DENND1B: variants seen among roughly 807,000 people sequenced by gnomAD.
The protein encoded by DENND1B is DENN domain-containing protein 1B.
In DENND1B, 59 loss-of-function variants were observed where a neutral mutation model predicts 90.1. The ratio of observed to expected loss-of-function variants is 0.65; its 90% CI spans 0.53 to 0.81. The LOEUF (loss-of-function observed/expected upper bound fraction) is 0.81. Among genes scored for constraint, DENND1B ranks in the 40% least tolerant of loss-of-function variants. DENND1B has a pLI of 0.00. For missense variants in DENND1B, 862 were observed against 912.6 expected (o/e 0.94, Z 0.71); for synonymous variants, 337 against 324.6 (o/e 1.04, Z -0.41).
rs1680386855 is a variant in DENND1B, at chr1:197,642,841, T to C, written c.562-20A>G. The C allele has an allele frequency of 4.5e-6, 7 of 1,570,560 alleles. No individual in the cohort carries two copies. The highest frequency in any genetic ancestry group is 1.7e-4 in the Middle Eastern group (1 of 5,988). On this transcript the variant is annotated intron_variant, in intron 9 of 22. Coordinates refer to ENST00000620048, the MANE Select transcript of DENND1B (RefSeq NM_001195215.2). ...ATTTCTCTGTACAAGTAAAAGATAA[T>C]TGTGTAAGTTACAGCTCATAGTGAA... is the stretch of plus-strand genomic sequence containing the variant.
intron 21 of DENND1B, 127 bp from the exon 22 acceptor site, chr1:197,512,071 A>C: frequency 1.5e-6 from 1 of 677,532 alleles, no homozygotes; most frequent in Non-Finnish European, 2.4e-6. Context: ...TTCATCACCA[A>C]ATTCTTTACC....
chr1:197,560,840 C>A (rs1672100453), intron 15 of DENND1B, among the ~76,000 whole-genome samples: 2 of 151,788 alleles, frequency 1.3e-5, no homozygotes, highest in African/African-American at 4.8e-5. Context: ...GTTTAACGAC[C>A]TCTCCCATTC....
intron 1 of DENND1B, chr1:197,774,374 G>C (rs757436557): frequency 6.6e-6 from 1 of 152,164 alleles, no homozygotes; most frequent in African/African-American, 2.4e-5. Context: ...GGGTGGGTAA[G>C]CGAAGTAAAA....
At chr1:197,748,537 A>G (rs868568623) in intron 2 of DENND1B, among the ~76,000 whole-genome samples, 7 of 152,308 alleles carry the variant, frequency 4.6e-5, no homozygotes, top group Non-Finnish European at 4.4e-5. Context: ...TACAATCACA[A>G]AGATCCTTAG....
chr1:197,671,706 G>A (rs1316225119), intron 5 of DENND1B, among the ~76,000 whole-genome samples: 2 of 151,930 alleles, frequency 1.3e-5, no homozygotes, highest in Admixed American at 1.3e-4. Context: ...TTCAGTGACA[G>A]AAAAGGGCAT....
At position 197,511,774 on chromosome 1, in the gene DENND1B, C is replaced by T. The variant is rs1021225438; in HGVS notation, c.1769G>A (p.Ser590Asn). Reference protein sequence around the residue: ...SDQGKLAAAKSLDFFRSMDDI... With the variant: ...SDQGKLAAAKNLDFFRSMDDI... ...ATCCATTGATCTAAAGAAATCCAAG[C>T]TCTTTGCAGCTGCCAGCTTCCCCTG... Residue 590 changes from serine (S) to asparagine (N), a missense_variant, in exon 22 of 23, where the codon AGC becomes AAC. Physicochemically the swap from Ser to Asn is conservative, Grantham distance 46. Transcript: ENST00000620048. 6.2e-7 allele frequency: 1 copy of T among 1,610,650 alleles called. No homozygotes were observed.
At chr1:197,568,779 G>A (rs758087154) in intron 15 of DENND1B, among the ~76,000 whole-genome samples, 2 of 151,990 alleles carry the variant, frequency 1.3e-5, no homozygotes, top group Non-Finnish European at 2.9e-5. Context: ...GAATAAAATA[G>A]GGCACTTATC....
intron 6 of DENND1B, 146 bp from the exon 7 acceptor site, chr1:197,652,461 T>A: frequency 1.7e-6 from 1 of 596,848 alleles, no homozygotes; most frequent in Non-Finnish European, 2.8e-6. Context: ...TTCAAATACC[T>A]GAAATTCAAA....
intron 2 of DENND1B, chr1:197,735,616 C>A: frequency 1.2e-6 from 2 of 1,614,166 alleles, no homozygotes; most frequent in Non-Finnish European, 8.5e-7. Context: ...CATCTTTTCT[C>A]CTCCCGTGGA....
rs1178416154 is a variant in DENND1B, at chr1:197,512,927, G to A, written c.1542C>T (p.Ser514=). Residue 514 remains serine, a synonymous_variant, in exon 21 of 23, where the codon AGC becomes AGT. Coordinates refer to ENST00000620048, the MANE Select transcript of DENND1B (RefSeq NM_001195215.2). The part of the protein sequence containing the change: ...AQARLKRPLK[S]LDGALYDDED... ...CATCATCATATAGAGCACCATCAAG[G>A]CTCTTAAGAGGCCTTTTTAAGCGTG... 4 of 1,609,896 alleles carry A rather than the reference G, an allele frequency of 2.5e-6. No individual in the cohort carries two copies. Among genetic ancestry groups the A allele is most frequent in the Non-Finnish European group, 2.5e-6 (3 of 1,177,700 alleles).
intron 3 of DENND1B, among the ~76,000 whole-genome samples, chr1:197,702,219 T>C (rs1261476344): frequency 1.3e-5 from 2 of 152,162 alleles, no homozygotes; most frequent in Non-Finnish European, 2.9e-5. Context: ...TATTAGAGGA[T>C]TCAAATTCAC....
chr1:197,633,484 C>G (rs1305971642), intron 10 of DENND1B, among the ~76,000 whole-genome samples: 1 of 152,148 alleles, frequency 6.6e-6, no homozygotes, highest in African/African-American at 2.4e-5. Flanking sequence ...AGAGAACTTG[C>G]TCCTGGTTCC....
At chr1:197,754,998 T>C (rs191760827) in intron 2 of DENND1B, among the ~76,000 whole-genome samples, 206 of 152,292 alleles carry the variant, frequency 1.4e-3, no homozygotes, top group Admixed American at 6.5e-3. Flanking sequence ...TAGGCATACA[T>C]ATACAGACAC....
intron 1 of DENND1B, 72 bp downstream of exon 1, chr1:197,775,064 CGGA>C: frequency 9.5e-7 from 1 of 1,049,686 alleles, no homozygotes; most frequent in Non-Finnish European, 1.2e-6. Context: ...CGCGGAGGCG[CGGA>C]GGAGCCGAGC....
In DENND1B at chr1:197,752,187, A is replaced by T. The variant is rs1329184699; in HGVS notation, c.82+20681T>A. Among the ~76,000 whole-genome samples the T allele has an allele frequency of 1.3e-5, 2 of 152,044 alleles. 1 individual carries two copies. Among genetic ancestry groups the T allele is most frequent in the African/African-American group, 4.8e-5 (2 of 41,318 alleles). Reference sequence around the variant, plus strand: ...GAGAGGTGATATGCGAATTATTAATATTGGAAGAAAAGGGGGCTTATCACT... The same window carrying T: ...GAGAGGTGATATGCGAATTATTAATTTTGGAAGAAAAGGGGGCTTATCACT... On this transcript the variant is annotated intron_variant, in intron 2 of 22. Coordinates refer to ENST00000620048, the MANE Select transcript of DENND1B (RefSeq NM_001195215.2).
chr1:197,684,572 G>C (rs1182420202), intron 3 of DENND1B, among the ~76,000 whole-genome samples: 1 of 152,094 alleles, frequency 6.6e-6, no homozygotes, highest in Non-Finnish European at 1.5e-5. Flanking sequence ...TGAAAGAATG[G>C]TAGGAGATGA....
At chr1:197,646,830 C>A (rs2125925629) in intron 8 of DENND1B, among the ~76,000 whole-genome samples, 1 of 152,062 alleles carries the variant, frequency 6.6e-6, no homozygotes, top group East Asian at 1.9e-4. Context: ...TCTCTATAAC[C>A]TACTTTTATT....
intron 16 of DENND1B, chr1:197,552,197 T>G (rs763302826): frequency 7.7e-5 from 75 of 977,670 alleles, no homozygotes; most frequent in Middle Eastern, 5.2e-4. Context: ...AAAACAAACA[T>G]ACAAAGAAGT....
chr1:197,625,659 TAAC>T (rs1311251141), intron 10 of DENND1B, among the ~76,000 whole-genome samples: 1 of 151,968 alleles, frequency 6.6e-6, no homozygotes, highest in African/African-American at 2.4e-5. Flanking sequence ...AATTCACACA[TAAC>T]AATATTAACT....
Sources: allele counts gnomAD v4.1 joint callset (sites outside exome capture counted in the v4.1 genomes callset), GRCh38; gene constraint gnomAD v4.1.1; transcripts MANE v1.5; gene names NCBI Gene and HGNC (gene_info 2026-07-23, HGNC 2026-07-21).